Variants in HACD2 observed in about 807,000 individuals in gnomAD.
The protein encoded by HACD2 is very-long-chain (3R)-3-hydroxyacyl-CoA dehydratase 2.
HACD2 carries 15 observed loss-of-function variants against 31.0 expected under a neutral mutation model. The ratio of observed to expected loss-of-function variants is 0.48; its 90% CI spans 0.32 to 0.75. The LOEUF (loss-of-function observed/expected upper bound fraction) is 0.75. Among genes scored for constraint, HACD2 ranks in the 30% least tolerant of loss-of-function variants. HACD2 has a pLI of 0.03. For synonymous variants in HACD2, 115 were observed against 122.2 expected, an observed-to-expected ratio of 0.94 and a Z score of 0.39; for missense variants, 283 against 313.0, an observed-to-expected ratio of 0.90 and a Z score of 0.72.
chr3:123,576,217 G>T (rs183074118), intron 2 of HACD2, among the ~76,000 whole-genome samples: 5 of 150,736 alleles, frequency 3.3e-5, no homozygotes, highest in African/African-American at 1.2e-4. Flanking sequence ...GCTCCTTCGT[G>T]CCCTATATTG....
At chr3:123,496,653 A>T (rs1252981870) in intron 6 of HACD2, among the ~76,000 whole-genome samples, 1 of 152,252 alleles carries the variant, frequency 6.6e-6, no homozygotes, top group African/African-American at 2.4e-5. Context: ...CAAGCTCTAT[A>T]ATCTAAAAAC....
intron 3 of HACD2, among the ~76,000 whole-genome samples, chr3:123,532,393 C>T (rs1331618311): frequency 6.6e-6 from 1 of 152,190 alleles, no homozygotes; most frequent in African/African-American, 2.4e-5. Context: ...GAAATGCCTG[C>T]TCTACTGGAC....
At chr3:123,524,328 C>G (rs2056252261) in intron 4 of HACD2, among the ~76,000 whole-genome samples, 1 of 152,142 alleles carries the variant, frequency 6.6e-6, no homozygotes, top group Non-Finnish European at 1.5e-5. Context: ...AATAAGCCCT[C>G]TGGGTGATTC....
rs530039951 is a variant in HACD2 at position 123,568,404 on chromosome 3, G to A, written c.274-624C>T. 1.3e-4 allele frequency among the ~76,000 whole-genome samples: 20 copies of A among 152,284 alleles called. No homozygotes were observed. The South Asian group carries it at 1.5e-3, about 11-fold the overall frequency. On this transcript the variant is annotated intron_variant, in intron 2 of 6. Coordinates refer to ENST00000383657, the MANE Select transcript of HACD2 (RefSeq NM_198402.5). The stretch of plus-strand genomic sequence containing the variant: ...AACACAGCCTCAGTGGGAAGCACAC[G>A]CTTTCCTTCCATTCCGCCCGTTATC...
intron 2 of HACD2, among the ~76,000 whole-genome samples, chr3:123,570,949 C>T (rs1045381643): frequency 2.0e-5 from 3 of 151,374 alleles, no homozygotes; most frequent in African/African-American, 4.9e-5. Flanking sequence ...CACACATACA[C>T]ACACACACAG....
At chr3:123,495,104 G>A in intron 6 of HACD2, 134 bp from the exon 7 acceptor site, 1 of 623,234 alleles carries the variant, frequency 1.6e-6, no homozygotes, top group Non-Finnish European at 2.8e-6. Flanking sequence ...GTAACAAAGT[G>A]GGCTTGGGGA....
chr3:123,525,788 T>C (rs1347995764), intron 4 of HACD2, among the ~76,000 whole-genome samples: 3 of 152,130 alleles, frequency 2.0e-5, no homozygotes, highest in Non-Finnish European at 4.4e-5. Context: ...TACAAGAAAG[T>C]GAGATATATG....
At chr3:123,536,989 G>A (rs2056434156) in intron 3 of HACD2, among the ~76,000 whole-genome samples, 1 of 152,138 alleles carries the variant, frequency 6.6e-6, no homozygotes, top group African/African-American at 2.4e-5. Context: ...AAGAACTCAG[G>A]AATGGAGAAG....
At chr3:123,540,260 CT>C (rs2056473928) in intron 3 of HACD2, among the ~76,000 whole-genome samples, 2 of 152,104 alleles carry the variant, frequency 1.3e-5, no homozygotes, top group African/African-American at 4.8e-5. Context: ...ATATCTGCCA[CT>C]AGCATCTTAC....
chr3:123,562,560 T>A lies in HACD2; in HGVS notation c.292+5202A>T, dbSNP rs2056745491. ...ATGTTGCTTAAGTAATAATAAGAGC[T>A]ACCATTTTATTGGGCAATTTTCAAT... On this transcript the variant is annotated intron_variant, in intron 3 of 6. Transcript: ENST00000383657. 2.6e-5 allele frequency among the ~76,000 whole-genome samples: 4 copies of A among 152,232 alleles called. No homozygotes were observed. In the South Asian group the frequency reaches 8.3e-4, roughly 31 times the overall value.
At chr3:123,500,419 T>A in intron 6 of HACD2, 96 bp downstream of exon 6, 2 of 765,330 alleles carry the variant, frequency 2.6e-6, no homozygotes, top group South Asian at 2.3e-5. Flanking sequence ...AGATTTACAT[T>A]TACTTGGATA....
intron 4 of HACD2, among the ~76,000 whole-genome samples, chr3:123,508,361 T>C (rs995934987): frequency 1.2e-4 from 18 of 152,282 alleles, no homozygotes; most frequent in African/African-American, 4.1e-4. Flanking sequence ...GTAGGCGGCT[T>C]GTGTAATTTA....
At chr3:123,514,676 T>C (rs2056111314) in intron 4 of HACD2, among the ~76,000 whole-genome samples, 2 of 152,284 alleles carry the variant, frequency 1.3e-5, no homozygotes, top group Admixed American at 6.5e-5. Context: ...CCCATCAGTA[T>C]TGTCTTAGAC....
At chr3:123,509,538 G>A (rs1458616220) in intron 4 of HACD2, among the ~76,000 whole-genome samples, 4 of 139,888 alleles carry the variant, frequency 2.9e-5, no homozygotes, top group Non-Finnish European at 4.6e-5. Context: ...TCGCTCTGTT[G>A]CCCAGGCTGG....
intron 3 of HACD2, among the ~76,000 whole-genome samples, chr3:123,530,202 C>A (rs1454306032): frequency 6.6e-6 from 1 of 151,856 alleles, no homozygotes; most frequent in Non-Finnish European, 1.5e-5. Context: ...TGATTTCAAA[C>A]AAACAAACAA....
intron 3 of HACD2, among the ~76,000 whole-genome samples, chr3:123,547,015 T>C (rs2056567739): frequency 6.6e-6 from 1 of 152,226 alleles, no homozygotes; most frequent in Admixed American, 6.5e-5. Context: ...AAAATCTGCT[T>C]TCTCTTACAA....
chr3:123,560,622 A>G (rs1198971715), intron 3 of HACD2, among the ~76,000 whole-genome samples: 1 of 152,182 alleles, frequency 6.6e-6, no homozygotes, highest in Non-Finnish European at 1.5e-5. Context: ...CATATTTGTG[A>G]CAGGGGTCCC....
At chr3:123,503,479 TC>T (rs2055932450) in intron 4 of HACD2, among the ~76,000 whole-genome samples, 1 of 151,782 alleles carries the variant, frequency 6.6e-6, no homozygotes, top group Non-Finnish European at 1.5e-5. Context: ...AGCTTTGAAA[TC>T]CCCAGTCTCC....
intron 4 of HACD2, among the ~76,000 whole-genome samples, chr3:123,508,416 G>T (rs2056006004): frequency 6.6e-6 from 1 of 152,142 alleles, no homozygotes; most frequent in Non-Finnish European, 1.5e-5. Flanking sequence ...AAACAAATGG[G>T]TGCAAGAGAA....
Sources: gnomAD v4.1 joint callset for allele counts (sites outside exome capture counted in the v4.1 genomes callset) on GRCh38, gnomAD v4.1.1 for gene constraint, MANE v1.5 for transcripts, NCBI Gene and HGNC (gene_info 2026-07-23, HGNC 2026-07-21) for gene names.